The following LIPN variants were observed in gnomAD, a reference collection of about 807,000 sequenced individuals.
The protein encoded by LIPN is lipase family member N.
Under a neutral mutation model 43.7 loss-of-function variants are expected in LIPN, and 32 were observed. The observed-to-expected ratio is 0.73, with a 90% CI of 0.55 to 0.98. The LOEUF is 0.98. Ranked by LOEUF, LIPN falls within the 50% of genes least tolerant of loss-of-function variation. The probability of loss-of-function intolerance (pLI) is 0.00; values close to 1 mark genes in which losing one functional copy is unlikely to be tolerated. For missense variants in LIPN, 505 were observed against 483.8 expected (o/e 1.04, Z -0.41); for synonymous variants, 156 against 157.6 (o/e 0.99, Z 0.08).
In LIPN at chr10:88,775,078, A is replaced by C; in HGVS notation, c.892-14A>C. 6.6e-7 allele frequency: 1 copy of C among 1,518,958 alleles called. No homozygotes were observed. Among genetic ancestry groups the C allele is most frequent in the East Asian group, 2.5e-5 (1 of 40,110 alleles). The allele number at this position is 1,518,958 out of a possible 1,614,324, so 94.1% of individuals were successfully genotyped here. On this transcript the variant is annotated splice_polypyrimidine_tract_variant and intron_variant, in intron 8 of 9. Coordinates refer to ENST00000404459, the MANE Select transcript of LIPN (RefSeq NM_001102469.2). ...TACCCTAACTATTCTTTTTCTAAAAAACATTTGTTTCAGCTTTACCACTCT... is the reference window on the plus strand; with the variant it reads ...TACCCTAACTATTCTTTTTCTAAAACACATTTGTTTCAGCTTTACCACTCT...
intron 9 of LIPN, 78 bp downstream of exon 9, chr10:88,775,241 C>A: frequency 4.0e-6 from 4 of 988,416 alleles, no homozygotes; most frequent in Non-Finnish European, 4.5e-6. Flanking sequence ...GGAAAGACTC[C>A]TACCTGTCAT....
rs750058753 is a variant in LIPN, at chr10:88,766,394, TCACTG to T, written c.535+17_535+21del. Reference sequence around the variant, plus strand: ...ACTACAATAGGTATGTTTATGAGGGTCACTGTTAGGTGTGTTTTTGAGGGTCAGTT... The same window carrying T: ...ACTACAATAGGTATGTTTATGAGGGTTTAGGTGTGTTTTTGAGGGTCAGTT... On this transcript the variant is annotated intron_variant, in intron 5 of 9. Transcript: ENST00000404459. 5 of 1,443,790 alleles carry T rather than the reference TCACTG, an allele frequency of 3.5e-6. No individual in the cohort carries two copies. The highest frequency in any genetic ancestry group is 4.9e-6 in the Non-Finnish European group (5 of 1,026,232). 89.4% of individuals were successfully genotyped at this position (1,443,790 alleles called of 1,614,324 possible).
chr10:88,764,590 A>G lies in LIPN; in HGVS notation c.407A>G (p.Glu136Gly). The G allele has an allele frequency of 6.2e-7, 1 of 1,604,392 alleles. No homozygotes were observed. Among genetic ancestry groups the G allele is most frequent in the African/African-American group, 1.3e-5 (1 of 74,634 alleles). Residue 136 changes from glutamate (E) to glycine (G), a missense_variant, in exon 4 of 10, where the codon GAG becomes GGG. Glu to Gly is a moderately conservative substitution (Grantham distance 98, BLOSUM62 -2). Transcript: ENST00000404459. ...RRHKTLSETD[E>G]KFWAFSFDEM... ...CACAAAACACTCTCAGAGACAGATG[A>G]GAAATTCTGGGCCTTTAGGTAAATA...
chr10:88,770,681 T>G (rs951737078), intron 6 of LIPN, among the ~76,000 whole-genome samples, 164 bp from the exon 7 acceptor site: 1 of 151,886 alleles, frequency 6.6e-6, no homozygotes, highest in Non-Finnish European at 1.5e-5. Context: ...AGTCTGAAGA[T>G]GATTCTTGAA....
intron 6 of LIPN, among the ~76,000 whole-genome samples, chr10:88,769,940 A>C (rs1463749455): frequency 6.6e-6 from 1 of 151,912 alleles, no homozygotes; most frequent in Admixed American, 6.6e-5. Flanking sequence ...GGACAGTGTG[A>C]GCAAACTAAT....
At chr10:88,766,425 T>G in intron 5 of LIPN, 47 bp downstream of exon 5, 2 of 1,107,806 alleles carry the variant, frequency 1.8e-6, no homozygotes, top group Non-Finnish European at 2.8e-6. Context: ...AGGGTCAGTT[T>G]TCTCAGAGTC....
chr10:88,777,416 C>T (rs1843312871), intron 9 of LIPN, among the ~76,000 whole-genome samples: 1 of 151,848 alleles, frequency 6.6e-6, no homozygotes, highest in African/African-American at 2.4e-5. Flanking sequence ...CAGGACTTGC[C>T]TTCAACCTAT....
rs571748078 is a variant in LIPN at position 88,779,230 on chromosome 10, G to A, written c.*988G>A. 1.3e-5 allele frequency among the ~76,000 whole-genome samples: 2 copies of A among 152,304 alleles called. No homozygotes were observed. Among genetic ancestry groups the A allele is most frequent in the African/African-American group, 4.8e-5 (2 of 41,580 alleles). ...CCAACAAAAGATTCTGAGCAAGACT[G>A]TAAATCTGATCAAGTGTTCTGATGC... is the stretch of plus-strand genomic sequence containing the variant. On this transcript the variant is annotated 3_prime_UTR_variant, in exon 10 of 10. Coordinates refer to ENST00000404459, the MANE Select transcript of LIPN (RefSeq NM_001102469.2).
chr10:88,765,703 T>G (rs1243276184), intron 4 of LIPN, among the ~76,000 whole-genome samples: 1 of 151,842 alleles, frequency 6.6e-6, no homozygotes, highest in Non-Finnish European at 1.5e-5. Flanking sequence ...ACTAACAACA[T>G]CTTACTGAGC....
At chr10:88,768,015 T>TACACACACACACACAC (rs60861050) in intron 5 of LIPN, among the ~76,000 whole-genome samples, 1 of 140,980 alleles carries the variant, frequency 7.1e-6, no homozygotes, top group South Asian at 2.4e-4. Context: ...AGTGTTTCAG[T>TACACACACACACACAC]ACACACACAC....
intron 6 of LIPN, among the ~76,000 whole-genome samples, chr10:88,770,354 A>C (rs2134849399): frequency 6.6e-6 from 1 of 151,900 alleles, no homozygotes; most frequent in South Asian, 2.1e-4. Context: ...AACATGGAAA[A>C]CCCCGATTTT....
chr10:88,775,276 CT>C (rs971969626), intron 9 of LIPN, 113 bp downstream of exon 9: 25 of 533,418 alleles, frequency 4.7e-5, no homozygotes, highest in Admixed American at 2.0e-4. Context: ...ACTGATAGAA[CT>C]TTTTTTTAAA....
intron 9 of LIPN, among the ~76,000 whole-genome samples, chr10:88,775,969 A>G (rs550823027): frequency 6.6e-5 from 10 of 152,162 alleles, no homozygotes; most frequent in Middle Eastern, 3.4e-3. Context: ...CTAATCCTTA[A>G]AACCACTACA....
Position 88,778,021 on chromosome 10 carries a change from A to G in LIPN, c.976A>G (p.Ile326Val). The stretch of plus-strand genomic sequence containing the variant: ...TTCTCTCCCACAGAGTCATCCCCCT[A>G]TATATGACCTGACTGCCATGAAAGT... ...MKHYNQSHPPIYDLTAMKVPT... is the reference protein window; with the variant it reads ...MKHYNQSHPPVYDLTAMKVPT... The change falls in exon 10 of 10, where the codon ATA becomes GTA. Residue 326 changes from isoleucine to valine, a missense_variant. By Grantham distance (29) the Ile-to-Val change is conservative. Transcript: ENST00000404459. 2 of 1,610,074 alleles carry G rather than the reference A, an allele frequency of 1.2e-6. No homozygotes were observed. Among genetic ancestry groups the G allele is most frequent in the Non-Finnish European group, 8.5e-7 (1 of 1,176,684 alleles).
In LIPN at chr10:88,775,605, G is replaced by T. The variant is rs116058610; in HGVS notation, c.963+442G>T. 6.4e-3 allele frequency among the ~76,000 whole-genome samples: 973 copies of T among 151,954 alleles called. 9 individuals carry two copies. The highest frequency in any genetic ancestry group is 0.022 in the African/African-American group (921 of 41,478). On this transcript the variant is annotated intron_variant, in intron 9 of 9. Transcript: ENST00000404459. The stretch of plus-strand genomic sequence containing the variant: ...GAATATACACTTTTTAATACCAACA[G>T]AAAAATTAGAATTCCATATGAAAGT...
intron 9 of LIPN, among the ~76,000 whole-genome samples, chr10:88,777,485 C>T (rs76940769): frequency 6.6e-5 from 10 of 151,924 alleles, no homozygotes; most frequent in Non-Finnish European, 1.0e-4. Flanking sequence ...GACAGACCTC[C>T]GAGAAATGAC....
intron 9 of LIPN, among the ~76,000 whole-genome samples, chr10:88,776,961 C>T (rs1590184694): frequency 6.6e-6 from 1 of 152,010 alleles, no homozygotes; most frequent in African/African-American, 2.4e-5. Context: ...ACAAGCAAGA[C>T]CATCAATTCT....
chr10:88,771,100 C>G, intron 7 of LIPN, 109 bp downstream of exon 7: 2 of 938,458 alleles, frequency 2.1e-6, no homozygotes, highest in Non-Finnish European at 3.1e-6. Flanking sequence ...TATTCCAAAC[C>G]CTTAAAGACA....
intron 9 of LIPN, among the ~76,000 whole-genome samples, chr10:88,777,569 A>G (rs2133034573): frequency 6.6e-6 from 1 of 151,628 alleles, no homozygotes; most frequent in South Asian, 2.1e-4. Flanking sequence ...TCTGCCTCCA[A>G]GTTTATATCC....
Sources: allele counts gnomAD v4.1 joint callset (sites outside exome capture counted in the v4.1 genomes callset), GRCh38; gene constraint gnomAD v4.1.1; transcripts MANE v1.5; gene names NCBI Gene and HGNC (gene_info 2026-07-23, HGNC 2026-07-21).